Variants in SLC9A8 observed in about 807,000 individuals in gnomAD.
SLC9A8 encodes the protein solute carrier family 9 member A8.
Under a neutral mutation model 66.6 loss-of-function variants are expected in SLC9A8, and 48 were observed. The observed-to-expected ratio is 0.72, with a 90% CI of 0.57 to 0.92. The LOEUF (loss-of-function observed/expected upper bound fraction) is 0.92, where lower values mean the gene tolerates loss of function less well. SLC9A8 is among the 40% of genes least tolerant of loss of function. The probability of loss-of-function intolerance (pLI) is 0.00; values close to 1 mark genes in which losing one functional copy is unlikely to be tolerated. For missense variants in SLC9A8, 599 were observed against 747.3 expected (o/e 0.80, Z 2.31); for synonymous variants, 274 against 282.6 (o/e 0.97, Z 0.31).
chr20:49,843,757 C>A (rs2087863133), intron 4 of SLC9A8, among the ~76,000 whole-genome samples: 1 of 152,120 alleles, frequency 6.6e-6, no homozygotes, highest in Admixed American at 6.5e-5. Context: ...AATCTGGAAG[C>A]ATGGTGCTAT....
rs751161312 is a variant in SLC9A8 at position 49,849,631 on chromosome 20, C to G, written c.485C>G (p.Thr162Arg). Residue 162 changes from threonine (T) to arginine (R), a missense_variant, in exon 6 of 16, where the codon ACG becomes AGG. Coordinates refer to ENST00000361573, the MANE Select transcript of SLC9A8 (RefSeq NM_015266.3). ...ATCACCCTGTTTGCTGTTTTTGGGA[C>G]GGCAATCTCCGCTTTTGTAGTAGGT... ...GSITLFAVFG[T>R]AISAFVVGGG... 1 of 1,613,970 alleles carries G rather than the reference C, an allele frequency of 6.2e-7. No homozygotes were observed. Among genetic ancestry groups the G allele is most frequent in the South Asian group, 1.1e-5 (1 of 91,082 alleles).
chr20:49,849,490 CTG>C, intron 5 of SLC9A8, 87 bp from the exon 6 acceptor site: 1 of 984,330 alleles, frequency 1.0e-6, no homozygotes, highest in Non-Finnish European at 1.6e-6. Flanking sequence ...AGAATCAAGT[CTG>C]CACGGAGGGC....
At chr20:49,822,315 C>G (rs869185662) in intron 2 of SLC9A8, among the ~76,000 whole-genome samples, 1 of 152,140 alleles carries the variant, frequency 6.6e-6, no homozygotes, top group Non-Finnish European at 1.5e-5. Context: ...TAATTTGTGT[C>G]AATGCAATCT....
intron 7 of SLC9A8, among the ~76,000 whole-genome samples, chr20:49,852,045 C>T (rs1205994236): frequency 6.6e-6 from 1 of 152,150 alleles, no homozygotes; most frequent in Non-Finnish European, 1.5e-5. Flanking sequence ...GTGTTTTCCT[C>T]TCCGTGTGCA....
intron 14 of SLC9A8, 176 bp downstream of exon 14, chr20:49,884,242 G>GACACAC (rs57569872): frequency 3.1e-4 from 36 of 115,462 alleles, no homozygotes; most frequent in Middle Eastern, 3.4e-3. Flanking sequence ...ACACACACAC[G>GACACAC]ACACACACAC....
chr20:49,846,592 A>G (rs2088003512), intron 5 of SLC9A8, among the ~76,000 whole-genome samples: 1 of 152,034 alleles, frequency 6.6e-6, no homozygotes, highest in Non-Finnish European at 1.5e-5. Flanking sequence ...TAATAACAAT[A>G]TTACCACCAG....
At chr20:49,818,832 T>G (rs1428963850) in intron 2 of SLC9A8, among the ~76,000 whole-genome samples, 1 of 152,204 alleles carries the variant, frequency 6.6e-6, no homozygotes, top group East Asian at 1.9e-4. Flanking sequence ...ATTGCTGTTA[T>G]TAGGTAACTT....
Position 49,888,253 on chromosome 20 carries a change from C to G in SLC9A8, c.*317C>G, listed in dbSNP as rs1000546911. 6 of 313,428 alleles carry G rather than the reference C, an allele frequency of 1.9e-5. No homozygotes were observed. The highest frequency in any genetic ancestry group is 4.5e-5 in the African/African-American group (2 of 44,412). 19.4% of individuals were successfully genotyped at this position (313,428 alleles called of 1,614,324 possible). ...CTGTGAAGCTAGGGCGCCTACCCCC[C>G]CACCCGGAGGACCCCTGCGGCCCCC... On this transcript the variant is annotated 3_prime_UTR_variant, in exon 16 of 16. Coordinates refer to ENST00000361573, the MANE Select transcript of SLC9A8 (RefSeq NM_015266.3).
In SLC9A8 at chr20:49,864,738, C is replaced by T. The variant is rs751616721; in HGVS notation, c.853-1C>T. 39 of 1,611,320 alleles carry T rather than the reference C, an allele frequency of 2.4e-5. No homozygotes were observed. The highest frequency in any genetic ancestry group is 1.6e-4 in the Middle Eastern group (1 of 6,080). The stretch of plus-strand genomic sequence containing the variant: ...CTCCTTCCTTGACAGTTGTCATTTA[C>T]GTGCTGAAGCATATTGACTTGAGGA... On this transcript the variant is annotated splice_acceptor_variant, in intron 9 of 15. Coordinates refer to ENST00000361573, the MANE Select transcript of SLC9A8 (RefSeq NM_015266.3). LOFTEE classifies it high-confidence loss of function.
chr20:49,857,782 C>CT (rs1452387188), intron 8 of SLC9A8, among the ~76,000 whole-genome samples: 2 of 149,602 alleles, frequency 1.3e-5, no homozygotes, highest in Admixed American at 1.4e-4. Flanking sequence ...ATGTGACATC[C>CT]TTTCCTTTTC....
Position 49,855,592 on chromosome 20 carries a change from G to A in SLC9A8, c.713+11G>A. Reference sequence around the variant, plus strand: ...CATTGTTCTGACCAAGTAAGTACGGGGGCAGAGAACAGACTTTTTTCATGT... The same window carrying A: ...CATTGTTCTGACCAAGTAAGTACGGAGGCAGAGAACAGACTTTTTTCATGT... On this transcript the variant is annotated intron_variant, in intron 8 of 15. Coordinates refer to ENST00000361573, the MANE Select transcript of SLC9A8 (RefSeq NM_015266.3). 1 of 1,612,568 alleles carries A rather than the reference G, an allele frequency of 6.2e-7. No individual in the cohort carries two copies. The highest frequency in any genetic ancestry group is 8.5e-7 in the Non-Finnish European group (1 of 1,179,336).
At position 49,864,895 on chromosome 20, in the gene SLC9A8, C is replaced by T. The variant is rs1424922619; in HGVS notation, c.958+51C>T. On this transcript the variant is annotated intron_variant, in intron 10 of 15. Coordinates refer to ENST00000361573, the MANE Select transcript of SLC9A8 (RefSeq NM_015266.3). ...CTGTGGTGATGGCATCTTGTCCTGC[C>T]TGGGGAAAGAGGCTTTGTCAGTTGG... is the stretch of plus-strand genomic sequence containing the variant. The T allele has an allele frequency of 4.9e-6, 6 of 1,218,760 alleles. 1 individual carries two copies. The South Asian group carries it at 7.2e-5, about 15-fold the overall frequency. The allele number at this position is 1,218,760 out of a possible 1,614,324, so 75.5% of individuals were successfully genotyped here.
chr20:49,855,414 T>G (rs2088432381), intron 7 of SLC9A8, 24 bp from the exon 8 acceptor site: 7 of 1,611,574 alleles, frequency 4.3e-6, no homozygotes, highest in Non-Finnish European at 5.9e-6. Flanking sequence ...TTACAGAATC[T>G]CCCCTTCCCT....
At position 49,849,677 on chromosome 20, in the gene SLC9A8, T is replaced by C. The variant is rs899862889; in HGVS notation, c.531T>C (p.Gly177=). 26 of 1,605,412 alleles carry C rather than the reference T, an allele frequency of 1.6e-5. No individual in the cohort carries two copies. The highest frequency in any genetic ancestry group is 2.2e-5 in the Non-Finnish European group (26 of 1,172,278). The change falls in exon 6 of 16, where the codon GGT becomes GGC. Residue 177 remains glycine, a synonymous_variant. Coordinates refer to ENST00000361573, the MANE Select transcript of SLC9A8 (RefSeq NM_015266.3). ...TAGGTGGAGGAATTTATTTTCTGGG[T>C]CAGGTAAGAAAATCATCTTTGAAAC... ...FVVGGGIYFL[G]QADVISKLNM... is the part of the protein sequence containing the mutation.
Position 49,845,034 on chromosome 20 carries a change from A to G in SLC9A8, c.349-2A>G. On this transcript the variant is annotated splice_acceptor_variant, in intron 4 of 15. Coordinates refer to ENST00000361573, the MANE Select transcript of SLC9A8 (RefSeq NM_015266.3). LOFTEE classifies it high-confidence loss of function. Reference sequence around the variant, plus strand: ...CTTAAGATACTCATTTTCTATTTACAGGAAGAAGAAATGTTTCGTCCAAAC... The same window carrying G: ...CTTAAGATACTCATTTTCTATTTACGGGAAGAAGAAATGTTTCGTCCAAAC... 1 of 1,606,220 alleles carries G rather than the reference A, an allele frequency of 6.2e-7. No homozygotes were observed. The highest frequency in any genetic ancestry group is 8.5e-7 in the Non-Finnish European group (1 of 1,172,878).
intron 11 of SLC9A8, 149 bp downstream of exon 11, chr20:49,874,970 G>A: frequency 1.5e-6 from 1 of 655,246 alleles, no homozygotes; most frequent in East Asian, 2.5e-5. Flanking sequence ...TCTTTTGTTT[G>A]TTCCTCTGGC....
chr20:49,834,094 C>G (rs2087323407), intron 3 of SLC9A8, among the ~76,000 whole-genome samples: 1 of 145,066 alleles, frequency 6.9e-6, no homozygotes, highest in Non-Finnish European at 1.5e-5. Context: ...GCTAAAAATA[C>G]AAAAATTAGC....
rs1159927403 is a variant in SLC9A8 at position 49,884,229 on chromosome 20, CACACACACACACG to C, written c.1491+176_1491+188del. Reference sequence around the variant, plus strand: ...ACACACACACACACACACACACACACACACACACACACGACACACACACACACACGACACACAC... The same window carrying C: ...ACACACACACACACACACACACACACACACACACACACACACGACACACAC... On this transcript the variant is annotated intron_variant, in intron 14 of 15. Coordinates refer to ENST00000361573, the MANE Select transcript of SLC9A8 (RefSeq NM_015266.3). The C allele has an allele frequency of 2.6e-4, 58 of 222,640 alleles. 2 individuals are homozygous for C. The highest frequency in any genetic ancestry group is 1.7e-3 in the African/African-American group (36 of 21,348). 13.8% of individuals were successfully genotyped at this position (222,640 alleles called of 1,614,324 possible).
intron 8 of SLC9A8, among the ~76,000 whole-genome samples, chr20:49,857,801 C>G (rs1458162589): frequency 7.4e-6 from 1 of 134,550 alleles, no homozygotes; most frequent in African/African-American, 2.5e-5. Flanking sequence ...TCTTTCCCTG[C>G]CCCTAGTTGT....
Sources: gnomAD v4.1 joint callset for allele counts (sites outside exome capture counted in the v4.1 genomes callset) on GRCh38, gnomAD v4.1.1 for gene constraint, MANE v1.5 for transcripts, NCBI Gene and HGNC (gene_info 2026-07-23, HGNC 2026-07-21) for gene names.